Variants in NTM observed in about 807,000 individuals in gnomAD.
The protein encoded by NTM is neurotrimin, also known as IgLON family member 2.
A neutral mutation model predicts 42.1 loss-of-function variants in NTM; 13 were observed. That is an observed-to-expected ratio of 0.31 (90% confidence interval 0.20 to 0.49). The LOEUF is 0.49. Ranked by LOEUF, NTM falls within the 20% of genes least tolerant of loss-of-function variation. The pLI, the probability that NTM is intolerant of heterozygous loss-of-function variation, is 0.99. For synonymous variants in NTM, 187 were observed against 179.2 expected (o/e 1.04, Z -0.35); for missense variants, 373 against 452.8 (o/e 0.82, Z 1.60).
At chr11:132,121,371 A>G (rs941243581) in intron 2 of NTM, among the ~76,000 whole-genome samples, 8 of 152,240 alleles carry the variant, frequency 5.3e-5, no homozygotes, top group African/African-American at 1.7e-4. Flanking sequence ...ATACCACAGT[A>G]TAACAGAAAA....
chr11:131,917,741 C>T (rs1378412414), intron 2 of NTM, among the ~76,000 whole-genome samples: 1 of 152,188 alleles, frequency 6.6e-6, no homozygotes, highest in Non-Finnish European at 1.5e-5. Flanking sequence ...CTGCCCTGCC[C>T]CCTCTCAGGA....
At chr11:131,952,568 A>G (rs961318318) in intron 2 of NTM, among the ~76,000 whole-genome samples, 14 of 152,200 alleles carry the variant, frequency 9.2e-5, no homozygotes, top group African/African-American at 2.9e-4. Flanking sequence ...CATGTAGTCA[A>G]ATAGGTCTCT....
intron 1 of NTM, among the ~76,000 whole-genome samples, chr11:131,866,527 A>G (rs867416630): frequency 6.6e-6 from 1 of 152,230 alleles, no homozygotes; most frequent in Non-Finnish European, 1.5e-5. Flanking sequence ...GAGTATGCAA[A>G]ACTAAGACCC....
At chr11:132,056,723 A>G (rs192132004) in intron 2 of NTM, among the ~76,000 whole-genome samples, 13 of 152,318 alleles carry the variant, frequency 8.5e-5, no homozygotes, top group African/African-American at 2.9e-4. Context: ...TACATTGTCA[A>G]ACTCTGTCAT....
intron 1 of NTM, among the ~76,000 whole-genome samples, chr11:131,705,249 G>A (rs1477077360): frequency 6.6e-6 from 1 of 152,184 alleles, no homozygotes. Context: ...TTGTATTCAA[G>A]GGAAACTTCC....
intron 1 of NTM, chr11:131,538,528 G>T (rs2052640227): frequency 6.6e-6 from 1 of 152,326 alleles, no homozygotes; most frequent in Non-Finnish European, 1.5e-5. Flanking sequence ...CCCCGCTGGG[G>T]TAGGATTTAC....
chr11:132,229,555 G>A (rs1461304532), intron 4 of NTM, among the ~76,000 whole-genome samples: 1 of 152,118 alleles, frequency 6.6e-6, no homozygotes, highest in Non-Finnish European at 1.5e-5. Flanking sequence ...TCCAACAACT[G>A]TCTGCAGTTA....
At chr11:132,170,105 G>A (rs754538509) in intron 3 of NTM, among the ~76,000 whole-genome samples, 1 of 152,196 alleles carries the variant, frequency 6.6e-6, no homozygotes, top group Non-Finnish European at 1.5e-5. Context: ...ACTGAGCCGG[G>A]ATAGCCACAT....
chr11:131,400,117 C>G (rs1374645634), intron 1 of NTM, among the ~76,000 whole-genome samples: 1 of 151,972 alleles, frequency 6.6e-6, no homozygotes, highest in Non-Finnish European at 1.5e-5. Flanking sequence ...CTACCCACCC[C>G]CCATCAGCAT....
intron 1 of NTM, among the ~76,000 whole-genome samples, chr11:131,831,696 A>G (rs545660230): frequency 6.6e-6 from 1 of 152,264 alleles, no homozygotes; most frequent in Non-Finnish European, 1.5e-5. Flanking sequence ...CATAAATTCT[A>G]GGGAAAAGTC....
chr11:132,331,606 C>T (rs1251482378), intron 8 of NTM, among the ~76,000 whole-genome samples: 3 of 152,110 alleles, frequency 2.0e-5, no homozygotes, highest in Non-Finnish European at 2.9e-5. Context: ...ATACCTGCCA[C>T]GGGCCAATGA....
In NTM at chr11:132,320,897, C is replaced by T. The variant is rs1162916522; in HGVS notation, c.934+6194C>T. Among the ~76,000 whole-genome samples the T allele has an allele frequency of 2.6e-5, 4 of 151,600 alleles. No homozygotes were observed. In the East Asian group the frequency reaches 5.8e-4, roughly 22 times the overall value. ...ACCCCCGAGCAGCCTAACTGGGAGG[C>T]ACCCCCCAGCAGGGCCACACTGACA... On this transcript the variant is annotated intron_variant, in intron 7 of 8. Coordinates refer to ENST00000683400, the MANE Select transcript of NTM (RefSeq NM_001352005.2).
chr11:131,835,480 G>A (rs1351636502), intron 1 of NTM, among the ~76,000 whole-genome samples: 3 of 152,096 alleles, frequency 2.0e-5, no homozygotes, highest in African/African-American at 7.2e-5. Context: ...TCAAAAATGT[G>A]TAAAAGGACT....
chr11:131,526,669 G>A (rs894489176), intron 1 of NTM, among the ~76,000 whole-genome samples: 7 of 152,276 alleles, frequency 4.6e-5, no homozygotes, highest in African/African-American at 1.7e-4. Flanking sequence ...TAATTAACAG[G>A]TGAGCTGCTT....
intron 4 of NTM, among the ~76,000 whole-genome samples, chr11:132,290,697 A>G (rs2094428386): frequency 6.6e-6 from 1 of 152,206 alleles, no homozygotes; most frequent in South Asian, 2.1e-4. Context: ...GGAGAGAGAG[A>G]TAAATAACCC....
In NTM at chr11:132,238,828, G is replaced by A. The variant is rs75345918; in HGVS notation, c.526+26681G>A. Among the ~76,000 whole-genome samples the A allele has an allele frequency of 4.8e-3, 725 of 152,266 alleles. 4 individuals are homozygous for A. Among genetic ancestry groups the A allele is most frequent in the African/African-American group, 0.017 (693 of 41,542 alleles). The stretch of plus-strand genomic sequence containing the variant: ...TTCTAATTCAGCAGGTCTGGGGTAG[G>A]GCTGAAAAGTCTTCATCTCTAAGTG... On this transcript the variant is annotated intron_variant, in intron 4 of 8. Transcript: ENST00000683400.
chr11:131,863,220 G>C (rs762178212), intron 1 of NTM, among the ~76,000 whole-genome samples: 1 of 152,202 alleles, frequency 6.6e-6, no homozygotes, highest in South Asian at 2.1e-4. Flanking sequence ...GGGGGAACTG[G>C]TGAAGCCCTG....
intron 7 of NTM, chr11:132,314,928 G>A (rs2095386927): frequency 7.7e-7 from 1 of 1,300,976 alleles, no homozygotes; most frequent in South Asian, 2.7e-5. Flanking sequence ...CAGTTTACAT[G>A]TATACAAAGT....
chr11:131,671,979 G>A (rs544563024), intron 1 of NTM, among the ~76,000 whole-genome samples: 1 of 152,316 alleles, frequency 6.6e-6, no homozygotes, highest in East Asian at 1.9e-4. Context: ...GCTGCCCCCT[G>A]GCTGCACCGC....
Sources: allele counts gnomAD v4.1 joint callset (sites outside exome capture counted in the v4.1 genomes callset), GRCh38; gene constraint gnomAD v4.1.1; transcripts MANE v1.5; gene names NCBI Gene and HGNC (gene_info 2026-07-23, HGNC 2026-07-21).